CELF2: variants seen among roughly 807,000 people sequenced by gnomAD.
The protein encoded by CELF2 is CUGBP Elav-like family member 2, also known as CUG triplet repeat RNA-binding protein 2.
CELF2 carries 8 observed loss-of-function variants against 62.6 expected under a neutral mutation model. That is an observed-to-expected ratio of 0.13 (90% CI 0.07 to 0.23). CELF2 has a LOEUF of 0.23. Among genes scored for constraint, CELF2 ranks in the 10% least tolerant of loss-of-function variants. The probability of loss-of-function intolerance (pLI) is 1.00; values close to 1 mark genes in which losing one functional copy is unlikely to be tolerated. For missense variants in CELF2, 333 were observed against 671.0 expected (o/e 0.50, Z 5.56); for synonymous variants, 258 against 250.0 (o/e 1.03, Z -0.30).
At chr10:11,135,918 G>GT (rs1564888913) in intron 1 of CELF2, among the ~76,000 whole-genome samples, 1 of 152,174 alleles carries the variant, frequency 6.6e-6, no homozygotes, top group East Asian at 1.9e-4. Context: ...ACTCTCTGGG[G>GT]TGGAGCCTAG....
chr10:10,803,381 A>G (rs553975858), intron 1 of CELF2, among the ~76,000 whole-genome samples: 14 of 152,304 alleles, frequency 9.2e-5, no homozygotes, highest in Non-Finnish European at 1.8e-4. Flanking sequence ...ACATTGCTCC[A>G]GCCCTGCTGG....
chr10:10,678,371 C>T, the CELF2 span, among the ~76,000 whole-genome samples: 1 of 152,208 alleles, frequency 6.6e-6, no homozygotes, highest in Non-Finnish European at 1.5e-5. Context: ...GCACTGGTGA[C>T]TGCTAAAGTT....
rs2090762053 is a variant in CELF2, at chr10:11,285,090, A to G, written c.842-3328A>G. Among the ~76,000 whole-genome samples, 1 of 143,178 alleles carries G rather than the reference A, an allele frequency of 7.0e-6. No homozygotes were observed. Among genetic ancestry groups the G allele is most frequent in the Non-Finnish European group, 1.5e-5 (1 of 65,910 alleles). 93.9% of individuals were successfully genotyped at this position (143,178 alleles called of 152,430 possible). A position where few individuals can be genotyped will look rare whatever the true frequency, so the allele number is the denominator to read the frequency against. On this transcript the variant is annotated intron_variant, in intron 8 of 12. Coordinates refer to ENST00000633077, the MANE Select transcript of CELF2 (RefSeq NM_001326342.2). The surrounding 1 kb of genome is among the most constrained non-coding windows in gnomAD (Gnocchi z 4.3). The stretch of plus-strand genomic sequence containing the variant: ...GGTGGTTACGCGGAATGATGGATGG[A>G]TGGATGGGTGGGTGGGTGGATGGGC...
intron 1 of CELF2, among the ~76,000 whole-genome samples, chr10:10,855,073 G>A (rs1025977671): frequency 2.6e-5 from 4 of 152,178 alleles, no homozygotes; most frequent in Admixed American, 1.3e-4. Context: ...GGGTCCACCA[G>A]CCTCTCTCTG....
intron 1 of CELF2, among the ~76,000 whole-genome samples, chr10:10,843,704 T>C (rs1314101164): frequency 6.6e-6 from 1 of 152,052 alleles, no homozygotes; most frequent in African/African-American, 2.4e-5. Context: ...GTTCAGATCA[T>C]TCATATCCTT....
intron 1 of CELF2, among the ~76,000 whole-genome samples, chr10:10,901,667 G>GT (rs1554875148): frequency 6.6e-6 from 1 of 151,956 alleles, no homozygotes; most frequent in African/African-American, 2.4e-5. Context: ...CTTCACTAAA[G>GT]TTTTTTTAAA....
the CELF2 span, among the ~76,000 whole-genome samples, chr10:10,466,224 C>G: frequency 2.0e-5 from 3 of 152,076 alleles, no homozygotes; most frequent in Admixed American, 1.3e-4. Context: ...TGCCTCCACA[C>G]CTGGCCTTCA....
chr10:10,767,142 G>A, the CELF2 span, among the ~76,000 whole-genome samples: 1 of 152,058 alleles, frequency 6.6e-6, no homozygotes, highest in South Asian at 2.1e-4. Context: ...ATGCTGACCA[G>A]TCTTTGAACC....
At chr10:10,971,630 A>G (rs949788939) in intron 2 of CELF2, among the ~76,000 whole-genome samples, 12 of 152,168 alleles carry the variant, frequency 7.9e-5, no homozygotes, top group African/African-American at 2.4e-4. Context: ...TCTGTCGCCC[A>G]GGCTGGAGTG....
intron 1 of CELF2, among the ~76,000 whole-genome samples, chr10:10,885,809 G>A (rs2061713938): frequency 6.6e-6 from 1 of 152,202 alleles, no homozygotes; most frequent in African/African-American, 2.4e-5. Flanking sequence ...AAAGCCAGCA[G>A]TGTAACATTC....
chr10:10,928,939 G>A lies in CELF2; in HGVS notation c.89+8940G>A, dbSNP rs1209781163. ...TGACCGTCTGAATAGATGTTTAAAT[G>A]AATTAATAAGTGTTTGAATGGATTA... On this transcript the variant is annotated intron_variant, in intron 2 of 13. Coordinates refer to the CELF2 transcript ENST00000636488. The surrounding 1 kb of genome is among the most constrained non-coding windows in gnomAD (Gnocchi z 4.8). 6.6e-6 allele frequency among the ~76,000 whole-genome samples: 1 copy of A among 152,150 alleles called. No individual in the cohort carries two copies. The highest frequency in any genetic ancestry group is 1.5e-5 in the Non-Finnish European group (1 of 68,028).
chr10:10,754,072 T>G, the CELF2 span, among the ~76,000 whole-genome samples: 4 of 150,136 alleles, frequency 2.7e-5, no homozygotes, highest in Non-Finnish European at 4.4e-5. Context: ...TTTTTTTTTT[T>G]TTTTTTTTTT....
chr10:10,475,740 C>G, the CELF2 span, among the ~76,000 whole-genome samples: 31 of 152,076 alleles, frequency 2.0e-4, no homozygotes, highest in East Asian at 5.4e-3. Flanking sequence ...TTTGCTCAGG[C>G]CTTCTCTGTA....
At chr10:11,163,321 T>C (rs2066163192) in intron 1 of CELF2, among the ~76,000 whole-genome samples, 1 of 152,168 alleles carries the variant, frequency 6.6e-6, no homozygotes, top group Admixed American at 6.5e-5. Context: ...CTCTTTTCAA[T>C]CTAGCTGGTT....
the CELF2 span, among the ~76,000 whole-genome samples, chr10:10,777,548 C>G: frequency 3.3e-5 from 5 of 152,166 alleles, no homozygotes; most frequent in African/African-American, 7.2e-5. Flanking sequence ...CTCCTCTCCT[C>G]CTGCCTCTGC....
At chr10:10,695,002 G>A in the CELF2 span, among the ~76,000 whole-genome samples, 2,573 of 150,156 alleles carry the variant, frequency 0.017, 109 homozygotes, top group African/African-American at 0.06. Context: ...GGAGAATTTA[G>A]TCCATTTAAA....
intron 3 of CELF2, among the ~76,000 whole-genome samples, chr10:11,248,318 G>T (rs2076206998): frequency 6.6e-6 from 1 of 152,184 alleles, no homozygotes; most frequent in Middle Eastern, 3.4e-3. Flanking sequence ...AAGAGCCATG[G>T]GTCCCCCGGG....
At chr10:11,199,465 C>T (rs1275335546) in intron 2 of CELF2, among the ~76,000 whole-genome samples, 1 of 152,100 alleles carries the variant, frequency 6.6e-6, no homozygotes, top group Non-Finnish European at 1.5e-5. Flanking sequence ...CAGAGAAGGC[C>T]CGCAGGTTGG....
At chr10:11,134,048 T>C (rs1049089433) in intron 1 of CELF2, among the ~76,000 whole-genome samples, 13 of 152,236 alleles carry the variant, frequency 8.5e-5, no homozygotes, top group African/African-American at 2.9e-4. Context: ...GCATAGACTG[T>C]AAATGACTAG....
Sources: allele counts gnomAD v4.1 joint callset (sites outside exome capture counted in the v4.1 genomes callset), GRCh38; gene constraint gnomAD v4.1.1; non-coding constraint Gnocchi (gnomAD v3.1); transcripts MANE v1.5; gene names NCBI Gene and HGNC (gene_info 2026-07-23, HGNC 2026-07-21).